Variants in RYR3 observed in about 807,000 individuals in gnomAD.
RYR3 encodes the protein brain ryanodine receptor-calcium release channel.
In RYR3, 207 loss-of-function variants were observed where a neutral mutation model predicts 584.3. That is an observed-to-expected ratio of 0.35 (90% confidence interval 0.32 to 0.40). The LOEUF is 0.40. RYR3 is among the 10% of genes least tolerant of loss of function. RYR3 has a pLI of 1.00. For synonymous variants in RYR3, 2,416 were observed against 2,248.5 expected (o/e 1.07, Z -2.11); for missense variants, 5,616 against 6,089.2 (o/e 0.92, Z 2.59).
intron 1 of RYR3, among the ~76,000 whole-genome samples, chr15:33,357,921 A>G (rs1974209168): frequency 6.6e-6 from 1 of 152,198 alleles, no homozygotes; most frequent in Non-Finnish European, 1.5e-5. Flanking sequence ...AAACTTTACT[A>G]GAAGGAGGGC....
At chr15:33,621,822 A>G (rs1224315149) in intron 19 of RYR3, among the ~76,000 whole-genome samples, 1 of 152,190 alleles carries the variant, frequency 6.6e-6, no homozygotes, top group East Asian at 1.9e-4. Flanking sequence ...CGATTAGGAT[A>G]TTTCCACGAT....
chr15:33,468,642 G>T (rs1384893727), intron 1 of RYR3, among the ~76,000 whole-genome samples: 1 of 152,156 alleles, frequency 6.6e-6, no homozygotes, highest in Non-Finnish European at 1.5e-5. Flanking sequence ...TTCCAGCTTG[G>T]ATGGGAAAGC....
At chr15:33,707,818 T>A (rs1408410728) in intron 43 of RYR3, among the ~76,000 whole-genome samples, 1 of 151,674 alleles carries the variant, frequency 6.6e-6, no homozygotes, top group Non-Finnish European at 1.5e-5. Flanking sequence ...TCATGCCAGT[T>A]GTTCTAAGAA....
At chr15:33,841,828 C>A in intron 90 of RYR3, 36 bp from the exon 91 acceptor site, 1 of 1,565,820 alleles carries the variant, frequency 6.4e-7, no homozygotes, top group Non-Finnish European at 8.7e-7. Flanking sequence ...ACCGCCCTCC[C>A]GTCTGCCCTG....
intron 2 of RYR3, among the ~76,000 whole-genome samples, chr15:33,494,834 A>G (rs2051279519): frequency 6.6e-6 from 1 of 152,188 alleles, no homozygotes; most frequent in East Asian, 1.9e-4. Flanking sequence ...TACCTTTTTA[A>G]TTTAAGAAAG....
At chr15:33,736,137 C>T (rs777141798) in intron 48 of RYR3, 98 bp from the exon 49 acceptor site, 4 of 739,670 alleles carry the variant, frequency 5.4e-6, no homozygotes, top group Non-Finnish European at 9.0e-6. Flanking sequence ...TGTTTTGAGG[C>T]TTGGCTGTAA....
chr15:33,625,201 A>G (rs1202968610), intron 20 of RYR3, among the ~76,000 whole-genome samples: 2 of 150,638 alleles, frequency 1.3e-5, no homozygotes, highest in South Asian at 2.1e-4. Context: ...CTTTTAAGCC[A>G]TCAGATCTTA....
chr15:33,311,614 G>A lies in RYR3; in HGVS notation c.51+518G>A, dbSNP rs1967307546. Reference sequence around the variant, plus strand: ...TCGGAGAAGCGGGCGCAGGCGCTTGGTCCTAGCCCTGGGATCGCTCGGAGG... The same window carrying A: ...TCGGAGAAGCGGGCGCAGGCGCTTGATCCTAGCCCTGGGATCGCTCGGAGG... On this transcript the variant is annotated intron_variant, in intron 1 of 103. Transcript: ENST00000634891. This position sits in a 1 kb window ranked among gnomAD's most constrained non-coding sequence, Gnocchi z 4.4. Among the ~76,000 whole-genome samples, 1 of 152,216 alleles carries A rather than the reference G, an allele frequency of 6.6e-6. No individual in the cohort carries two copies. The highest frequency in any genetic ancestry group is 2.1e-4 in the South Asian group (1 of 4,828).
At chr15:33,611,013 A>G (rs777812833) in intron 18 of RYR3, among the ~76,000 whole-genome samples, 2 of 152,224 alleles carry the variant, frequency 1.3e-5, no homozygotes, top group African/African-American at 4.8e-5. Context: ...CTAGACTAGC[A>G]GTAAGCACAG....
At chr15:33,649,632 T>G (rs537216372) in intron 31 of RYR3, among the ~76,000 whole-genome samples, 1 of 152,318 alleles carries the variant, frequency 6.6e-6, no homozygotes, top group Non-Finnish European at 1.5e-5. Flanking sequence ...ACACACTAAC[T>G]GATATACTCA....
intron 36 of RYR3, among the ~76,000 whole-genome samples, chr15:33,665,442 G>A (rs149982592): frequency 9.8e-5 from 15 of 152,312 alleles, no homozygotes; most frequent in East Asian, 9.6e-4. Flanking sequence ...GGAGATATTT[G>A]CAATTGCTTC....
Position 33,667,153 on chromosome 15 carries a change from A to G in RYR3, c.5620-2201A>G, listed in dbSNP as rs371565638. On this transcript the variant is annotated intron_variant, in intron 36 of 103. Coordinates refer to ENST00000634891, the MANE Select transcript of RYR3 (RefSeq NM_001036.6). ...AGATCTTTGTGTAGAGTTCCTCCTA[A>G]CAATGCTACACAAGGTTCATGATTT... Among the ~76,000 whole-genome samples the G allele has an allele frequency of 8.5e-5, 13 of 152,302 alleles. No homozygotes were observed. In the East Asian group the frequency reaches 1.7e-3, roughly 20 times the overall value.
At chr15:33,367,281 T>C (rs1044101733) in intron 1 of RYR3, among the ~76,000 whole-genome samples, 1 of 152,226 alleles carries the variant, frequency 6.6e-6, no homozygotes, top group East Asian at 1.9e-4. Flanking sequence ...AAGACTATAG[T>C]GACCTCAATC....
At position 33,725,178 on chromosome 15, in the gene RYR3, C is replaced by CACACACACACACACACACATAT. The variant is rs1555426974; in HGVS notation, c.6912+1021_6912+1022insTATACACACACACACACACACA. The stretch of plus-strand genomic sequence containing the variant: ...TTACACACACACACACACACACACA[C>CACACACACACACACACACATAT]ACACACACACACACACACACACACA... On this transcript the variant is annotated intron_variant, in intron 45 of 103. Transcript: ENST00000634891. 9.1e-5 allele frequency among the ~76,000 whole-genome samples: 11 copies of CACACACACACACACACACATAT among 120,940 alleles called. No individual in the cohort carries two copies. In the East Asian group the frequency reaches 4.2e-3, roughly 46 times the overall value. The allele number at this position is 120,940 out of a possible 152,430, so 79.3% of individuals were successfully genotyped here.
intron 35 of RYR3, among the ~76,000 whole-genome samples, chr15:33,663,235 A>C (rs2063273438): frequency 6.6e-6 from 1 of 152,210 alleles, no homozygotes; most frequent in African/African-American, 2.4e-5. Flanking sequence ...GGACTGGAAC[A>C]TTTCAGAAAG....
At chr15:33,312,852 TGTAA>T (rs1158458074) in intron 1 of RYR3, among the ~76,000 whole-genome samples, 9 of 152,192 alleles carry the variant, frequency 5.9e-5, no homozygotes, top group African/African-American at 2.2e-4. Context: ...CATCTGGCAT[TGTAA>T]GTGTTTTTTG....
At chr15:33,788,600 C>A in intron 67 of RYR3, 142 bp downstream of exon 67, 1 of 889,274 alleles carries the variant, frequency 1.1e-6, no homozygotes, top group Non-Finnish European at 1.7e-6. Flanking sequence ...CTTCCCAACA[C>A]CAATGGTTCC....
intron 103 of RYR3, 89 bp from the exon 104 acceptor site, chr15:33,865,020 ATATAAATTCACATCAGTCTTCC>A (rs1419687769): frequency 9.5e-6 from 7 of 736,432 alleles, no homozygotes; most frequent in Non-Finnish European, 1.6e-5. Context: ...GTTTGGCCTC[ATATAAATTCACATCAGTCTTCC>A]TAAAGGGAGC....
At chr15:33,487,796 C>T (rs1053854851) in intron 2 of RYR3, among the ~76,000 whole-genome samples, 1 of 152,206 alleles carries the variant, frequency 6.6e-6, no homozygotes, top group South Asian at 2.1e-4. Context: ...GGGATGCAAT[C>T]CTAACTATGT....
Sources: gnomAD v4.1 joint callset for allele counts (sites outside exome capture counted in the v4.1 genomes callset) on GRCh38, gnomAD v4.1.1 for gene constraint, Gnocchi (gnomAD v3.1) non-coding constraint, MANE v1.5 for transcripts, NCBI Gene and HGNC (gene_info 2026-07-23, HGNC 2026-07-21) for gene names.